The following DAB2IP variants were observed in gnomAD, a reference collection of about 807,000 sequenced individuals.
DAB2IP encodes disabled homolog 2-interacting protein.
Under a neutral mutation model 107.2 loss-of-function variants are expected in DAB2IP, and 28 were observed. That is an observed-to-expected ratio of 0.26 (90% confidence interval 0.19 to 0.36). The LOEUF (loss-of-function observed/expected upper bound fraction) is 0.36, where lower values mean the gene tolerates loss of function less well. Among genes scored for constraint, DAB2IP ranks in the 10% least tolerant of loss-of-function variants. The pLI is 1.00. For synonymous variants in DAB2IP, 755 were observed against 706.4 expected, an observed-to-expected ratio of 1.07 and a Z score of -1.09; for missense variants, 1,400 against 1,644.7, an observed-to-expected ratio of 0.85 and a Z score of 2.57.
intron 3 of DAB2IP, among the ~76,000 whole-genome samples, chr9:121,747,360 T>TTC (rs1359831572): frequency 2.0e-4 from 30 of 149,016 alleles, no homozygotes; most frequent in African/African-American, 6.8e-4. Context: ...TTTTTTTTTT[T>TTC]CCCCTGAGAC....
In DAB2IP at chr9:121,697,188, A is replaced by G. The variant is rs957935973; in HGVS notation, c.229-2137A>G. ...ATGTGCATCAAACCTCCTAGACGGG[A>G]GAAAACTTTTTTGTTTAAACTCAGA... On this transcript the variant is annotated intron_variant, in intron 2 of 15. Transcript: ENST00000408936. Among the ~76,000 whole-genome samples, 10 of 152,288 alleles carry G rather than the reference A, an allele frequency of 6.6e-5. No homozygotes were observed. In the South Asian group the frequency reaches 2.1e-3, roughly 32 times the overall value.
Position 121,632,876 on chromosome 9 carries a change from G to A in DAB2IP, c.41-45802G>A, listed in dbSNP as rs552184221. On this transcript the variant is annotated intron_variant, in intron 1 of 16. Coordinates refer to the DAB2IP transcript ENST00000259371. Reference sequence around the variant, plus strand: ...TGTGACAAAGGTGGGGTCTTTGAACGTGGGATTTTGCAGGAGCAGCTTCAC... The same window carrying A: ...TGTGACAAAGGTGGGGTCTTTGAACATGGGATTTTGCAGGAGCAGCTTCAC... Among the ~76,000 whole-genome samples the A allele has an allele frequency of 3.3e-5, 5 of 152,332 alleles. No homozygotes were observed. The East Asian group carries it at 7.7e-4, about 24-fold the overall frequency.
rs761872359 is a variant in DAB2IP at position 121,782,357 on chromosome 9, C to T, written c.3429C>T (p.Ala1143=). 9.3e-6 allele frequency: 15 copies of T among 1,613,864 alleles called. No individual in the cohort carries two copies. The highest frequency in any genetic ancestry group is 3.3e-5 in the Admixed American group (2 of 59,990). Residue 1143 remains alanine (A), a synonymous_variant, in exon 16 of 16, where the codon GCC becomes GCT. Coordinates refer to ENST00000408936, the Ensembl canonical transcript of DAB2IP. This position sits in a 1 kb window ranked among gnomAD's most constrained non-coding sequence, Gnocchi z 6.1. ...AGAAGCGCATTGCCTCGTTGGATGC[C>T]GCCAATGCCCGCCTCATGAGTGCCC...
chr9:121,770,469 C>T, intron 10 of DAB2IP, 77 bp from the exon 11 acceptor site: 2 of 1,516,662 alleles, frequency 1.3e-6, no homozygotes, highest in South Asian at 1.3e-5. Flanking sequence ...TGGTTTTGAG[C>T]CATAGTGGCT....
At chr9:121,658,332 A>G (rs1402303697) in intron 1 of DAB2IP, among the ~76,000 whole-genome samples, 5 of 152,118 alleles carry the variant, frequency 3.3e-5, no homozygotes, top group Non-Finnish European at 7.4e-5. Context: ...CTGGGAGCTG[A>G]AGTTTTGTTT....
chr9:121,693,758 A>G (rs1650256270), intron 2 of DAB2IP, among the ~76,000 whole-genome samples: 3 of 152,188 alleles, frequency 2.0e-5, no homozygotes, highest in Non-Finnish European at 2.9e-5. Flanking sequence ...GGTGATGAAG[A>G]CAGGCCTGGA....
At chr9:121,683,271 G>A (rs991082541) in intron 2 of DAB2IP, among the ~76,000 whole-genome samples, 2 of 152,146 alleles carry the variant, frequency 1.3e-5, no homozygotes, top group Non-Finnish European at 1.5e-5. Context: ...GTTTGATTTG[G>A]GAGGCAAAGA....
intron 1 of DAB2IP, among the ~76,000 whole-genome samples, chr9:121,668,986 G>C (rs754057731): frequency 7.0e-6 from 1 of 142,898 alleles, no homozygotes; most frequent in Admixed American, 7.4e-5. Flanking sequence ...TGGGATCTTG[G>C]CTCACTGCAA....
intron 1 of DAB2IP, among the ~76,000 whole-genome samples, chr9:121,603,305 A>G (rs578107938): frequency 1.3e-5 from 2 of 152,376 alleles, no homozygotes; most frequent in Admixed American, 6.5e-5. Flanking sequence ...GGAGAGATAC[A>G]GGGTGGAGGA....
intron 1 of DAB2IP, among the ~76,000 whole-genome samples, chr9:121,632,237 T>G (rs1036824503): frequency 6.6e-6 from 1 of 152,222 alleles, no homozygotes; most frequent in Non-Finnish European, 1.5e-5. Flanking sequence ...TAGCAGCACC[T>G]GTCTCGCAGA....
chr9:121,581,776 A>G (rs1830198853), intron 1 of DAB2IP, among the ~76,000 whole-genome samples: 1 of 152,202 alleles, frequency 6.6e-6, no homozygotes, highest in Non-Finnish European at 1.5e-5. Context: ...TGCTCACCTC[A>G]GCAGTCCCAG....
intron 1 of DAB2IP, among the ~76,000 whole-genome samples, chr9:121,588,793 C>CA (rs958171381): frequency 3.9e-5 from 6 of 151,938 alleles, no homozygotes; most frequent in African/African-American, 1.5e-4. Flanking sequence ...GTTGGTCAGT[C>CA]ACTGGATGTA....
chr9:121,699,338 G>A lies in DAB2IP; in HGVS notation c.242G>A (p.Arg81His). The stretch of plus-strand genomic sequence containing the variant: ...CCCCGTGCGCAGGGCTTCCTCAGCC[G>A]CCGCCTCAAGGGCTCCATCAAGCGC... Residue 81 changes from arginine to histidine, a missense_variant, in exon 3 of 16, where the codon CGC becomes CAC. Coordinates refer to ENST00000408936, the Ensembl canonical transcript of DAB2IP. This position sits in a 1 kb window ranked among gnomAD's most constrained non-coding sequence, Gnocchi z 6.2. 5.7e-6 allele frequency: 8 copies of A among 1,394,912 alleles called. No individual in the cohort carries two copies. The Admixed American group carries it at 6.5e-5, about 11-fold the overall frequency. 86.4% of individuals were successfully genotyped at this position (1,394,912 alleles called of 1,614,324 possible). A position where few individuals can be genotyped will look rare whatever the true frequency, so the allele number is the denominator to read the frequency against.
Position 121,577,480 on chromosome 9 carries a change from C to A in DAB2IP, c.40+10252C>A, listed in dbSNP as rs531507539. Among the ~76,000 whole-genome samples, 6 of 152,336 alleles carry A rather than the reference C, an allele frequency of 3.9e-5. No homozygotes were observed. In the East Asian group the frequency reaches 1.2e-3, roughly 29 times the overall value. ...TGTGTCTGCCAGTGGGCCTCTGTCT[C>A]GGCAGGCTGTCTCCTCAGGAGCCCG... is the stretch of plus-strand genomic sequence containing the variant. On this transcript the variant is annotated intron_variant, in intron 1 of 16. Coordinates refer to the DAB2IP transcript ENST00000259371.
chr9:121,702,203 G>C lies in DAB2IP; in HGVS notation c.362+2745G>C, dbSNP rs1829823844. 6.6e-6 allele frequency among the ~76,000 whole-genome samples: 1 copy of C among 152,178 alleles called. No individual in the cohort carries two copies. Among genetic ancestry groups the C allele is most frequent in the Middle Eastern group, 3.2e-3 (1 of 316 alleles). On this transcript the variant is annotated intron_variant, in intron 3 of 15. Transcript: ENST00000408936. The surrounding 1 kb of genome is among the most constrained non-coding windows in gnomAD (Gnocchi z 4.5). ...CGCAAGCTGCTGTGTTGGGGAGGTG[G>C]TTTTTTTGCGCTGGAATTCTCTCAT...
At chr9:121,651,541 G>T, upstream of DAB2IP, 1 of 529,510 alleles carries the variant, frequency 1.9e-6, no homozygotes, top group Non-Finnish European at 2.5e-6. This position sits in a 1 kb window ranked among gnomAD's most constrained non-coding sequence, Gnocchi z 5.1. Context: ...TTTCCGGGCC[G>T]GTGCCAGCCC....
intron 2 of DAB2IP, among the ~76,000 whole-genome samples, chr9:121,690,553 G>A (rs1177033709): frequency 6.6e-6 from 1 of 152,172 alleles, no homozygotes; most frequent in South Asian, 2.1e-4. Context: ...ATGGGACAAT[G>A]AGTCACTCCC....
In DAB2IP at chr9:121,763,865, C is replaced by T. The variant is rs539329547; in HGVS notation, c.1446C>T (p.Ile482=). The change falls in exon 8 of 16, where the codon ATC becomes ATT. Residue 482 remains isoleucine (I), a synonymous_variant. Coordinates refer to ENST00000408936, the Ensembl canonical transcript of DAB2IP. ...GCTGCGAGCTGGCCTTCTGCAAGAT[C>T]ATCAACTCCTACTGGTCAGTGCGGT... 2.8e-5 allele frequency: 45 copies of T among 1,614,088 alleles called. No individual in the cohort carries two copies. In the South Asian group the frequency reaches 4.9e-4, roughly 18 times the overall value.
At chr9:121,733,155 C>T (rs1180839394) in intron 3 of DAB2IP, among the ~76,000 whole-genome samples, 1 of 152,206 alleles carries the variant, frequency 6.6e-6, no homozygotes, top group Non-Finnish European at 1.5e-5. Flanking sequence ...AGGCCCTGGG[C>T]TGACTTTGCT....
Sources: gnomAD v4.1 joint callset for allele counts (sites outside exome capture counted in the v4.1 genomes callset) on GRCh38, gnomAD v4.1.1 for gene constraint, Gnocchi (gnomAD v3.1) non-coding constraint, MANE v1.5 for transcripts, NCBI Gene and HGNC (gene_info 2026-07-23, HGNC 2026-07-21) for gene names.